Variants in MYOZ1 observed in about 807,000 individuals in gnomAD.
The protein encoded by MYOZ1 is myozenin-1.
In MYOZ1, 20 loss-of-function variants were observed where a neutral mutation model predicts 28.7. The ratio of observed to expected loss-of-function variants is 0.70; its 90% confidence interval spans 0.49 to 1.01. The LOEUF (loss-of-function observed/expected upper bound fraction) is 1.01, where lower values mean the gene tolerates loss of function less well. Ranked by LOEUF, MYOZ1 falls within the 50% of genes least tolerant of loss-of-function variation. The pLI is 0.00. For synonymous variants in MYOZ1, 144 were observed against 145.8 expected (o/e 0.99, Z 0.09); for missense variants, 371 against 372.4 (o/e 1.00, Z 0.03).
rs777071432 is a variant in MYOZ1 at position 73,632,158 on chromosome 10, C to T, written c.672G>A (p.Thr224=). ...ELPKYKSFNR[T]AMPYGGYEKA... ...TCTCATATCCACCATAGGGCATTGC[C>T]GTCCTGAGAAGGGGACACATTATTT... Residue 224 remains threonine, a synonymous_variant, in exon 6 of 6, where the codon ACG becomes ACA. Transcript: ENST00000359322. The T allele has an allele frequency of 3.7e-6, 6 of 1,613,470 alleles. No homozygotes were observed. In the African/African-American group the frequency reaches 4.0e-5, roughly 11 times the overall value.
In MYOZ1 at chr10:73,633,988, C is replaced by G; in HGVS notation, c.580G>C (p.Val194Leu). The change falls in exon 5 of 6, where the codon GTT becomes CTT. Residue 194 changes from valine to leucine, a missense_variant. Coordinates refer to ENST00000359322, the MANE Select transcript of MYOZ1 (RefSeq NM_021245.4). The stretch of plus-strand genomic sequence containing the variant: ...AGTTCCATTTTTTGCTGGGGGTCAA[C>G]CCCCATGGCTCGCTCCCATGGGGAA... ...YISPWERAMGVDPQQKMELGI... is the reference protein window; with the variant it reads ...YISPWERAMGLDPQQKMELGI... 1 of 1,614,032 alleles carries G rather than the reference C, an allele frequency of 6.2e-7. No individual in the cohort carries two copies.
rs2132403571 is a variant in MYOZ1, at chr10:73,631,908, G to A, written c.*22C>T. On this transcript the variant is annotated 3_prime_UTR_variant, in exon 6 of 6. Coordinates refer to ENST00000359322, the MANE Select transcript of MYOZ1 (RefSeq NM_021245.4). The stretch of plus-strand genomic sequence containing the variant: ...ATTGGAGCCAGAGAGGGGAAATGAT[G>A]CAAATCAGAGGAGGAAACACCTCAC... 6.2e-7 allele frequency: 1 copy of A among 1,600,252 alleles called. No individual in the cohort carries two copies. The highest frequency in any genetic ancestry group is 1.1e-5 in the South Asian group (1 of 90,670).
At chr10:73,639,279 C>A (rs1483323479) in intron 2 of MYOZ1, among the ~76,000 whole-genome samples, 1 of 152,068 alleles carries the variant, frequency 6.6e-6, no homozygotes, top group African/African-American at 2.4e-5. Context: ...CATGCCACTA[C>A]ACCTGGCTAA....
chr10:73,635,884 G>T (rs12098808), intron 3 of MYOZ1, among the ~76,000 whole-genome samples: 3 of 152,108 alleles, frequency 2.0e-5, no homozygotes, highest in Middle Eastern at 3.2e-3. Context: ...GGGAAGTGTG[G>T]CCAAAAGGGC....
rs760994203 is a variant in MYOZ1, at chr10:73,632,045, A to G, written c.785T>C (p.Leu262Pro). ...TCGATTGAAAGAAGGCCTGTTGGAG[A>G]GGTTTTGGTTGTAGAGGACCAGGGG... The part of the protein sequence containing the change: ...SEPLVLYNQN[L>P]SNRPSFNRTP... The change falls in exon 6 of 6, where the codon CTC becomes CCC. Residue 262 changes from leucine (L) to proline (P), a missense_variant. Coordinates refer to ENST00000359322, the MANE Select transcript of MYOZ1 (RefSeq NM_021245.4). The G allele has an allele frequency of 2.6e-5, 42 of 1,613,918 alleles. No homozygotes were observed. In the Admixed American group the frequency reaches 7.0e-4, roughly 27 times the overall value.
chr10:73,637,148 G>A (rs2081672292), intron 3 of MYOZ1, among the ~76,000 whole-genome samples: 2 of 151,344 alleles, frequency 1.3e-5, no homozygotes, highest in Non-Finnish European at 2.9e-5. Flanking sequence ...GAGTACCTGG[G>A]ATCACAGGAA....
intron 4 of MYOZ1, 85 bp downstream of exon 4, chr10:73,634,399 G>C (rs2081654136): frequency 6.6e-7 from 1 of 1,522,450 alleles, no homozygotes; most frequent in Non-Finnish European, 8.9e-7. Context: ...GACCTCCTCT[G>C]CTCCCCACAC....
At chr10:73,636,317 A>G (rs142532088) in intron 3 of MYOZ1, among the ~76,000 whole-genome samples, 1 of 152,186 alleles carries the variant, frequency 6.6e-6, no homozygotes, top group Non-Finnish European at 1.5e-5. Flanking sequence ...TTCTTAGGGA[A>G]TAGACTGACC....
chr10:73,639,220 T>G (rs2081688533), intron 2 of MYOZ1, among the ~76,000 whole-genome samples: 1 of 151,968 alleles, frequency 6.6e-6, no homozygotes, highest in South Asian at 2.1e-4. Context: ...CCTCCCGGGT[T>G]CAAGCGATCG....
chr10:73,637,451 C>T (rs926011274), intron 3 of MYOZ1, among the ~76,000 whole-genome samples: 1 of 152,160 alleles, frequency 6.6e-6, no homozygotes, highest in African/African-American at 2.4e-5. Context: ...CACTGGGCAT[C>T]CTGTGTTTTA....
chr10:73,633,414 G>A (rs554723606), intron 5 of MYOZ1, among the ~76,000 whole-genome samples: 2 of 151,938 alleles, frequency 1.3e-5, no homozygotes, highest in African/African-American at 2.4e-5. Context: ...CTTCAGACAT[G>A]TAAAATGTTA....
intron 3 of MYOZ1, among the ~76,000 whole-genome samples, chr10:73,635,477 G>A (rs545868114): frequency 6.6e-6 from 1 of 151,988 alleles, no homozygotes; most frequent in Admixed American, 6.6e-5. Flanking sequence ...CACCTCCCTG[G>A]CTCAGGCAAT....
chr10:73,636,012 G>T (rs1033131410), intron 3 of MYOZ1, among the ~76,000 whole-genome samples: 2 of 152,176 alleles, frequency 1.3e-5, no homozygotes, highest in African/African-American at 4.8e-5. Context: ...GACCCAGGCA[G>T]AGAAGAGTGC....
intron 3 of MYOZ1, 110 bp from the exon 4 acceptor site, chr10:73,634,843 A>G: frequency 7.9e-7 from 1 of 1,272,510 alleles, no homozygotes; most frequent in Non-Finnish European, 1.1e-6. Context: ...AAGACCCTGA[A>G]TTTTCTGATA....
intron 5 of MYOZ1, 96 bp from the exon 6 acceptor site, chr10:73,632,257 G>T (rs2081639649): frequency 8.7e-7 from 1 of 1,148,486 alleles, no homozygotes; most frequent in Non-Finnish European, 1.3e-6. Flanking sequence ...GGAAGTCTGT[G>T]AATTCTAGTT....
intron 4 of MYOZ1, 68 bp from the exon 5 acceptor site, chr10:73,634,133 C>T (rs929081661): frequency 2.4e-5 from 37 of 1,555,818 alleles, no homozygotes; most frequent in Admixed American, 5.5e-5. Context: ...GGTAATCCCA[C>T]GCCCCTACAC....
rs1165783278 is a variant in MYOZ1 at position 73,634,564 on chromosome 10, G to A, written c.422C>T (p.Ala141Val). ...GCCCGCGGGACCACCTGTACCCCCA[G>A]CTCCAGACCCAGAGCCCAGATGGTG... Reference protein sequence around the residue: ...QQHHLGSGSGAGGTGGPAGQA... With the variant: ...QQHHLGSGSGVGGTGGPAGQA... The change falls in exon 4 of 6, where the codon GCT becomes GTT. Residue 141 changes from alanine to valine, a missense_variant. Coordinates refer to ENST00000359322, the MANE Select transcript of MYOZ1 (RefSeq NM_021245.4). 3.1e-6 allele frequency: 5 copies of A among 1,614,106 alleles called. No homozygotes were observed. In the Admixed American group the frequency reaches 5.0e-5, roughly 16 times the overall value.
chr10:73,640,274 C>G (rs1441919655), intron 1 of MYOZ1, among the ~76,000 whole-genome samples: 1 of 152,170 alleles, frequency 6.6e-6, no homozygotes, highest in Non-Finnish European at 1.5e-5. Flanking sequence ...TTCAGCCTCC[C>G]AAGTAGCTGG....
At chr10:73,633,158 G>A (rs559397795) in intron 5 of MYOZ1, among the ~76,000 whole-genome samples, 28 of 152,088 alleles carry the variant, frequency 1.8e-4, no homozygotes, top group African/African-American at 6.5e-4. Context: ...TTAGCTGGGC[G>A]TGGTGGCGGG....
Sources: allele counts gnomAD v4.1 joint callset (sites outside exome capture counted in the v4.1 genomes callset), GRCh38; gene constraint gnomAD v4.1.1; transcripts MANE v1.5; gene names NCBI Gene and HGNC (gene_info 2026-07-23, HGNC 2026-07-21).